Variants in SEMA5A observed in about 807,000 individuals in gnomAD.
SEMA5A encodes semaphorin 5A.
In SEMA5A, 55 loss-of-function variants were observed where a neutral mutation model predicts 135.5. That is an observed-to-expected ratio of 0.41 (90% confidence interval 0.33 to 0.51). The LOEUF is 0.51. SEMA5A is among the 20% of genes least tolerant of loss of function. The probability of loss-of-function intolerance (pLI) is 0.37; values close to 1 mark genes in which losing one functional copy is unlikely to be tolerated. For synonymous variants in SEMA5A, 580 were observed against 546.5 expected, an observed-to-expected ratio of 1.06 and a Z score of -0.85; for missense variants, 1,290 against 1,419.9, an observed-to-expected ratio of 0.91 and a Z score of 1.47.
intron 2 of SEMA5A, among the ~76,000 whole-genome samples, chr5:9,409,601 T>A: frequency 6.6e-6 from 1 of 152,178 alleles, no homozygotes; most frequent in East Asian, 1.9e-4. Flanking sequence ...CAGCTGTTTC[T>A]CCTTCTCTGT....
chr5:9,451,083 AT>A (rs968085743), intron 1 of SEMA5A, among the ~76,000 whole-genome samples: 1 of 152,012 alleles, frequency 6.6e-6, no homozygotes, highest in African/African-American at 2.4e-5. Flanking sequence ...CTTGTTTGTG[AT>A]TTTTTTTCTA....
intron 5 of SEMA5A, among the ~76,000 whole-genome samples, chr5:9,281,638 G>A (rs931892086): frequency 1.3e-5 from 2 of 152,132 alleles, no homozygotes; most frequent in African/African-American, 4.8e-5. Flanking sequence ...GGGACAATGA[G>A]AATTATCTGG....
At chr5:9,274,667 A>G (rs1346180944) in intron 5 of SEMA5A, among the ~76,000 whole-genome samples, 2 of 152,210 alleles carry the variant, frequency 1.3e-5, no homozygotes, top group African/African-American at 4.8e-5. Context: ...AGAACTCAGG[A>G]TTAAGAAACG....
At chr5:9,490,378 G>A (rs1301676448) in intron 1 of SEMA5A, among the ~76,000 whole-genome samples, 1 of 151,692 alleles carries the variant, frequency 6.6e-6, no homozygotes, top group African/African-American at 2.4e-5. Flanking sequence ...CAGATGTTTA[G>A]GACTGAGAAA....
At chr5:9,248,977 T>C (rs1748629525) in intron 5 of SEMA5A, among the ~76,000 whole-genome samples, 2 of 152,136 alleles carry the variant, frequency 1.3e-5, no homozygotes, top group East Asian at 3.9e-4. Flanking sequence ...AACTAATACA[T>C]ACATACATAC....
At chr5:9,514,018 C>T (rs764792442) in intron 1 of SEMA5A, among the ~76,000 whole-genome samples, 6 of 152,146 alleles carry the variant, frequency 3.9e-5, no homozygotes, top group Non-Finnish European at 7.3e-5. Context: ...ATCAAGACCT[C>T]AGCGAGGCCC....
At chr5:9,285,051 G>A (rs1170639100) in intron 5 of SEMA5A, among the ~76,000 whole-genome samples, 3 of 152,162 alleles carry the variant, frequency 2.0e-5, no homozygotes, top group Non-Finnish European at 4.4e-5. Context: ...AGGAAGGGAG[G>A]AAGAAACATC....
chr5:9,109,049 T>C (rs1243267810), intron 15 of SEMA5A, among the ~76,000 whole-genome samples: 10 of 89,816 alleles, frequency 1.1e-4, no homozygotes, highest in Admixed American at 2.3e-4. Flanking sequence ...TTTTTTTTTT[T>C]TTTTTTTTTG....
chr5:9,180,374 G>A (rs1475164351), intron 11 of SEMA5A, among the ~76,000 whole-genome samples: 2 of 152,086 alleles, frequency 1.3e-5, no homozygotes, highest in African/African-American at 2.4e-5. Flanking sequence ...TATCAAAGAA[G>A]CACTCAAATT....
At chr5:9,165,009 A>G (rs1743526827) in intron 11 of SEMA5A, among the ~76,000 whole-genome samples, 1 of 152,218 alleles carries the variant, frequency 6.6e-6, no homozygotes, top group South Asian at 2.1e-4. Flanking sequence ...ATAGCCTTCT[A>G]TCATCATGAG....
rs146808010 is a variant in SEMA5A at position 9,424,984 on chromosome 5, G to A, written c.-78+12772C>T. 9.9e-5 allele frequency among the ~76,000 whole-genome samples: 15 copies of A among 152,258 alleles called. No individual in the cohort carries two copies. In the East Asian group the frequency reaches 1.7e-3, roughly 18 times the overall value. ...ATAATATAACCGACAATTTGGAAAC[G>A]TAAATAACTCATATCCCACCACTGC... is the stretch of plus-strand genomic sequence containing the variant. On this transcript the variant is annotated intron_variant, in intron 2 of 22. Transcript: ENST00000382496.
intron 10 of SEMA5A, among the ~76,000 whole-genome samples, chr5:9,194,014 G>A (rs1177706241): frequency 1.3e-5 from 2 of 152,198 alleles, no homozygotes; most frequent in Non-Finnish European, 2.9e-5. Flanking sequence ...AACTACATTT[G>A]AGGGTCTATT....
At chr5:9,176,692 G>T (rs3797933) in intron 11 of SEMA5A, among the ~76,000 whole-genome samples, 6,367 of 152,228 alleles carry the variant, frequency 0.042, 304 homozygotes, top group East Asian at 0.15. Context: ...CCCCAGTTCT[G>T]GCAGAGGTGA....
chr5:9,195,559 T>G (rs143218926), intron 10 of SEMA5A, among the ~76,000 whole-genome samples: 1 of 152,240 alleles, frequency 6.6e-6, no homozygotes, highest in African/African-American at 2.4e-5. Context: ...ACTATTTGCA[T>G]GCATTTTTAT....
At chr5:9,139,054 A>G (rs1356951075) in intron 12 of SEMA5A, among the ~76,000 whole-genome samples, 1 of 152,164 alleles carries the variant, frequency 6.6e-6, no homozygotes. Flanking sequence ...GCTGCTATAA[A>G]CATGCATGTG....
intron 16 of SEMA5A, among the ~76,000 whole-genome samples, chr5:9,089,171 A>G (rs976435591): frequency 1.3e-5 from 2 of 152,142 alleles, no homozygotes; most frequent in African/African-American, 4.8e-5. Flanking sequence ...CTTGCTATTT[A>G]TCACACAGCA....
chr5:9,127,873 G>A (rs2150198307), intron 13 of SEMA5A, among the ~76,000 whole-genome samples: 1 of 152,210 alleles, frequency 6.6e-6, no homozygotes, highest in African/African-American at 2.4e-5. Flanking sequence ...AACTCATAAT[G>A]ATATAGATGA....
intron 2 of SEMA5A, among the ~76,000 whole-genome samples, chr5:9,384,713 T>TAGATAGATAGACAGAC: frequency 9.9e-6 from 1 of 100,866 alleles, no homozygotes; most frequent in Admixed American, 1.1e-4. Flanking sequence ...GATAGATAGA[T>TAGATAGATAGACAGAC]AGACAGACAG....
intron 5 of SEMA5A, among the ~76,000 whole-genome samples, chr5:9,301,627 A>T (rs73742631): frequency 0.023 from 3,507 of 152,222 alleles, 141 homozygotes; most frequent in African/African-American, 0.08. Context: ...TGAGCTCATG[A>T]TTGCAAAGAA....
Sources: allele counts gnomAD v4.1 joint callset (sites outside exome capture counted in the v4.1 genomes callset), GRCh38; gene constraint gnomAD v4.1.1; transcripts MANE v1.5; gene names NCBI Gene and HGNC (gene_info 2026-07-23, HGNC 2026-07-21).